The following ASCC3 variants were observed in gnomAD, a reference collection of about 807,000 sequenced individuals.
ASCC3 encodes activating signal cointegrator 1 complex subunit 3.
ASCC3 carries 158 observed loss-of-function variants against 256.3 expected under a neutral mutation model. That is an observed-to-expected ratio of 0.62 (90% CI 0.54 to 0.70). The LOEUF is 0.70. Ranked by LOEUF, ASCC3 falls within the 30% of genes least tolerant of loss-of-function variation. The pLI, the probability that ASCC3 is intolerant of heterozygous loss-of-function variation, is 0.00. For synonymous variants in ASCC3, 948 were observed against 883.4 expected, an observed-to-expected ratio of 1.07 and a Z score of -1.30; for missense variants, 2,259 against 2,626.0, an observed-to-expected ratio of 0.86 and a Z score of 3.05.
At chr6:100,729,919 C>A (rs1779821436) in intron 10 of ASCC3, among the ~76,000 whole-genome samples, 1 of 152,022 alleles carries the variant, frequency 6.6e-6, no homozygotes. Flanking sequence ...CAAAACATAG[C>A]CACTAAAATA....
At position 100,812,662 on chromosome 6, in the gene ASCC3, G is replaced by C. The variant is rs150624585; in HGVS notation, c.802-6782C>G. Among the ~76,000 whole-genome samples, 83 of 152,318 alleles carry C rather than the reference G, an allele frequency of 5.4e-4. 2 individuals are homozygous for C. The highest frequency in any genetic ancestry group is 4.3e-3 in the South Asian group (21 of 4,832). ...AACAAAAACAAGGCCAGGAATGGCG[G>C]CTCCTACCTGTGATCCCATCACTTT... On this transcript the variant is annotated intron_variant, in intron 4 of 41. Coordinates refer to ENST00000369162, the MANE Select transcript of ASCC3 (RefSeq NM_006828.4).
intron 10 of ASCC3, among the ~76,000 whole-genome samples, chr6:100,740,831 T>C (rs1780401664): frequency 6.6e-6 from 1 of 152,224 alleles, no homozygotes. Flanking sequence ...AGCAGACTGA[T>C]GGATCTTGGC....
chr6:100,815,300 T>C (rs571888795), intron 4 of ASCC3, among the ~76,000 whole-genome samples: 2 of 152,186 alleles, frequency 1.3e-5, no homozygotes, highest in South Asian at 4.1e-4. Flanking sequence ...TCCATGCTCA[T>C]GGATTGGAAG....
At chr6:100,553,203 A>G (rs1249710394) in intron 36 of ASCC3, among the ~76,000 whole-genome samples, 1 of 152,152 alleles carries the variant, frequency 6.6e-6, no homozygotes, top group East Asian at 1.9e-4. Context: ...CAAGATCAGC[A>G]GAAAGTGAGC....
intron 1 of ASCC3, among the ~76,000 whole-genome samples, chr6:100,875,316 TA>T (rs1192954685): frequency 6.6e-6 from 1 of 152,186 alleles, no homozygotes; most frequent in Non-Finnish European, 1.5e-5. Flanking sequence ...TGGAGGAGTC[TA>T]TATGTATAGA....
chr6:100,661,430 A>G (rs2114931135), intron 16 of ASCC3, among the ~76,000 whole-genome samples: 1 of 151,848 alleles, frequency 6.6e-6, no homozygotes, highest in South Asian at 2.1e-4. Context: ...TAATAGAGCT[A>G]AAAGAGTTTT....
intron 36 of ASCC3, among the ~76,000 whole-genome samples, chr6:100,584,943 A>G (rs994598308): frequency 2.0e-5 from 3 of 152,188 alleles, no homozygotes; most frequent in African/African-American, 7.2e-5. Context: ...TTCTGCCGAG[A>G]GATCCGCTGT....
chr6:100,536,626 C>G (rs1327729867), intron 37 of ASCC3, among the ~76,000 whole-genome samples: 2 of 152,100 alleles, frequency 1.3e-5, no homozygotes, highest in African/African-American at 4.8e-5. Flanking sequence ...ATCACCACAC[C>G]TAGATAATTT....
At chr6:100,749,142 T>C (rs1780823642) in intron 10 of ASCC3, among the ~76,000 whole-genome samples, 1 of 152,088 alleles carries the variant, frequency 6.6e-6, no homozygotes, top group Admixed American at 6.6e-5. Flanking sequence ...ATATTCTTTT[T>C]GCCTCTTCCC....
intron 8 of ASCC3, among the ~76,000 whole-genome samples, chr6:100,787,521 A>C (rs1355899000): frequency 1.3e-5 from 2 of 152,106 alleles, no homozygotes; most frequent in East Asian, 1.9e-4. Flanking sequence ...AATTTTGTAG[A>C]AAACAACACG....
chr6:100,572,751 G>T (rs1252781832), intron 36 of ASCC3, among the ~76,000 whole-genome samples: 2 of 151,994 alleles, frequency 1.3e-5, no homozygotes, highest in African/African-American at 4.8e-5. Flanking sequence ...TGTTGTTGTT[G>T]TTTAAAGTAC....
intron 33 of ASCC3, among the ~76,000 whole-genome samples, chr6:100,602,718 A>T (rs1582536933): frequency 6.6e-6 from 1 of 152,256 alleles, no homozygotes; most frequent in East Asian, 1.9e-4. Flanking sequence ...ATTATGTATT[A>T]GGTGTTGTGG....
intron 15 of ASCC3, 126 bp from the exon 16 acceptor site, chr6:100,662,156 A>G (rs1776251663): frequency 1.8e-6 from 2 of 1,136,322 alleles, no homozygotes; most frequent in Non-Finnish European, 1.3e-6. Flanking sequence ...TCCTTTCATC[A>G]TCTGTGATAG....
intron 34 of ASCC3, among the ~76,000 whole-genome samples, chr6:100,596,310 C>T (rs1243089106): frequency 6.6e-6 from 1 of 152,040 alleles, no homozygotes; most frequent in Non-Finnish European, 1.5e-5. Context: ...TTGTTAGGGA[C>T]ATATGTACAA....
chr6:100,557,608 T>TA, intron 36 of ASCC3, among the ~76,000 whole-genome samples: 1 of 151,548 alleles, frequency 6.6e-6, no homozygotes, highest in Admixed American at 6.6e-5. Flanking sequence ...AGTTGCTGTT[T>TA]ACCTGGTATA....
intron 36 of ASCC3, among the ~76,000 whole-genome samples, chr6:100,588,553 G>A (rs1771825060): frequency 6.6e-6 from 1 of 151,802 alleles, no homozygotes; most frequent in Non-Finnish European, 1.5e-5. Context: ...ATATTTTTTG[G>A]TAGCTGCCTT....
intron 3 of ASCC3, among the ~76,000 whole-genome samples, chr6:100,850,098 CAAAA>C (rs61582863): frequency 6.2e-5 from 5 of 80,612 alleles, no homozygotes; most frequent in Admixed American, 3.3e-4. Flanking sequence ...GAGACTCTAT[CAAAA>C]AAAAAAAAAA....
chr6:100,560,385 C>T (rs1200497849), intron 36 of ASCC3, among the ~76,000 whole-genome samples: 2 of 152,098 alleles, frequency 1.3e-5, no homozygotes, highest in African/African-American at 2.4e-5. Context: ...ATACATCTAA[C>T]AGAGCTTCTG....
chr6:100,828,806 G>C (rs1771464366), intron 4 of ASCC3, among the ~76,000 whole-genome samples: 1 of 152,070 alleles, frequency 6.6e-6, no homozygotes, highest in Non-Finnish European at 1.5e-5. Context: ...TTATTGCAAA[G>C]AGCGAAAGAA....
Sources: allele counts gnomAD v4.1 joint callset (sites outside exome capture counted in the v4.1 genomes callset), GRCh38; gene constraint gnomAD v4.1.1; transcripts MANE v1.5; gene names NCBI Gene and HGNC (gene_info 2026-07-23, HGNC 2026-07-21).